FGGY: variants seen among roughly 807,000 people sequenced by gnomAD.
The protein encoded by FGGY is FGGY carbohydrate kinase domain containing, also known as FGGY carbohydrate kinase domain-containing protein.
In FGGY, 72 loss-of-function variants were observed where a neutral mutation model predicts 71.3. The observed-to-expected ratio is 1.01, with a 90% confidence interval of 0.84 to 1.23. FGGY has a LOEUF of 1.23. FGGY is among the 50% of genes most tolerant of loss of function. The pLI is 0.00. For synonymous variants in FGGY, 251 were observed against 250.3 expected, an observed-to-expected ratio of 1.00 and a Z score of -0.02; for missense variants, 668 against 682.3, an observed-to-expected ratio of 0.98 and a Z score of 0.23.
intron 6 of FGGY, among the ~76,000 whole-genome samples, chr1:59,491,140 TTC>T (rs562651579): frequency 0.38 from 31,543 of 83,200 alleles, 7,697 homozygotes; most frequent in Middle Eastern, 0.52. Context: ...CCTTCCTTCC[TTC>T]CTTTCTCTCT....
chr1:59,462,445 A>G (rs1020030847), intron 6 of FGGY, among the ~76,000 whole-genome samples: 45 of 152,276 alleles, frequency 3.0e-4, no homozygotes, highest in African/African-American at 9.9e-4. Flanking sequence ...AACAAAAGCC[A>G]AAATTGACAA....
chr1:59,658,154 C>T (rs186511794), intron 11 of FGGY, among the ~76,000 whole-genome samples: 150 of 152,188 alleles, frequency 9.9e-4, no homozygotes, highest in African/African-American at 3.1e-3. Flanking sequence ...GTGAGTAAGA[C>T]GAGCAAAGAC....
At chr1:59,539,262 G>A (rs887343070) in intron 7 of FGGY, among the ~76,000 whole-genome samples, 5 of 152,242 alleles carry the variant, frequency 3.3e-5, no homozygotes, top group African/African-American at 1.2e-4. Context: ...GTAAGAGGAT[G>A]GAAATTGGTA....
intron 6 of FGGY, among the ~76,000 whole-genome samples, chr1:59,465,685 A>C (rs910340959): frequency 4.6e-5 from 7 of 152,194 alleles, no homozygotes; most frequent in African/African-American, 1.7e-4. Context: ...AATGTGCAAA[A>C]ATCACAAGCA....
At chr1:59,546,560 G>A (rs567358002) in intron 7 of FGGY, among the ~76,000 whole-genome samples, 15 of 149,288 alleles carry the variant, frequency 1.0e-4, no homozygotes, top group East Asian at 9.7e-4. Context: ...TATTTGAGAC[G>A]GAGTCTGGCT....
At chr1:59,296,731 A>G (rs550348979), upstream of FGGY, 1,859 of 143,670 alleles carry the variant, frequency 0.013, 73 homozygotes, top group African/African-American at 0.046. Flanking sequence ...CGCGCTTTAC[A>G]GGGGCCGCGC....
At chr1:59,651,380 G>A (rs1213637730) in intron 11 of FGGY, among the ~76,000 whole-genome samples, 1 of 148,840 alleles carries the variant, frequency 6.7e-6, no homozygotes, top group Non-Finnish European at 1.5e-5. Flanking sequence ...TTAATGCGTG[G>A]GAGTCTAAGT....
At chr1:59,311,677 A>G (rs986480665) in intron 1 of FGGY, among the ~76,000 whole-genome samples, 1 of 152,136 alleles carries the variant, frequency 6.6e-6, no homozygotes, top group South Asian at 2.1e-4. Flanking sequence ...TGACTTTGCT[A>G]TTGTAAACAG....
At chr1:59,329,129 C>G (rs2047974557) in intron 2 of FGGY, among the ~76,000 whole-genome samples, 2 of 152,152 alleles carry the variant, frequency 1.3e-5, no homozygotes, top group Admixed American at 1.3e-4. Context: ...TGCGGTAAAG[C>G]AAAGCACAAT....
intron 15 of FGGY, among the ~76,000 whole-genome samples, chr1:59,760,917 A>G (rs1192666391): frequency 1.3e-5 from 2 of 152,198 alleles, no homozygotes; most frequent in Non-Finnish European, 2.9e-5. Flanking sequence ...GTAGGAGCAA[A>G]TTGTTCCTAA....
chr1:59,702,689 G>A (rs551623438), intron 14 of FGGY, among the ~76,000 whole-genome samples: 2 of 152,260 alleles, frequency 1.3e-5, no homozygotes, highest in South Asian at 4.1e-4. Flanking sequence ...GTGACATTGA[G>A]CAACTAGCCA....
chr1:59,631,541 A>G (rs1011214287), intron 10 of FGGY, among the ~76,000 whole-genome samples: 23 of 152,194 alleles, frequency 1.5e-4, no homozygotes, highest in Non-Finnish European at 2.8e-4. Flanking sequence ...TTTTGAAATG[A>G]AGTTAGCTGT....
At chr1:59,654,569 C>G (rs2097201043) in intron 11 of FGGY, among the ~76,000 whole-genome samples, 1 of 152,134 alleles carries the variant, frequency 6.6e-6, no homozygotes, top group Admixed American at 6.5e-5. Context: ...TGTATAAACA[C>G]TTCAATTCCT....
intron 2 of FGGY, among the ~76,000 whole-genome samples, chr1:59,335,664 A>C (rs78722857): frequency 6.6e-6 from 1 of 152,160 alleles, no homozygotes; most frequent in Non-Finnish European, 1.5e-5. Context: ...TTTCTCCACA[A>C]TTCTCTAACA....
At position 59,568,467 on chromosome 1, in the gene FGGY, G is replaced by T. The variant is rs565783121; in HGVS notation, c.903+14240G>T. 3.7e-4 allele frequency among the ~76,000 whole-genome samples: 50 copies of T among 133,940 alleles called. 1 individual carries two copies. Among genetic ancestry groups the T allele is most frequent in the African/African-American group, 1.2e-3 (46 of 37,292 alleles). 87.9% of individuals were successfully genotyped at this position (133,940 alleles called of 152,430 possible). On this transcript the variant is annotated intron_variant, in intron 8 of 15. Coordinates refer to ENST00000303721, the MANE Select transcript of FGGY (RefSeq NM_018291.5). ...GCAAATTCTATGGTCGGGGGGGCGG[G>T]GGGGGGTGTTCTTATTGTATTACAT...
chr1:59,377,551 C>T (rs530574207), intron 4 of FGGY, among the ~76,000 whole-genome samples: 1 of 152,226 alleles, frequency 6.6e-6, no homozygotes, highest in Admixed American at 6.5e-5. Context: ...TCCTATGACA[C>T]TTGGGGATTA....
At chr1:59,745,710 A>G (rs2098190781) in intron 14 of FGGY, among the ~76,000 whole-genome samples, 1 of 152,238 alleles carries the variant, frequency 6.6e-6, no homozygotes, top group African/African-American at 2.4e-5. Context: ...AGTTAAGAGA[A>G]TATTGCAGAT....
At chr1:59,452,991 G>T (rs1256597623) in intron 5 of FGGY, among the ~76,000 whole-genome samples, 1 of 152,214 alleles carries the variant, frequency 6.6e-6, no homozygotes, top group East Asian at 1.9e-4. Flanking sequence ...GGTCTTAATA[G>T]AAGACTCCCG....
At chr1:59,594,866 G>GGA (rs1181284472) in intron 8 of FGGY, among the ~76,000 whole-genome samples, 3 of 152,188 alleles carry the variant, frequency 2.0e-5, no homozygotes, top group East Asian at 3.8e-4. Context: ...CATGATGAGT[G>GGA]GAGAGAGAGA....
Sources: gnomAD v4.1 joint callset for allele counts (sites outside exome capture counted in the v4.1 genomes callset) on GRCh38, gnomAD v4.1.1 for gene constraint, MANE v1.5 for transcripts, NCBI Gene and HGNC (gene_info 2026-07-23, HGNC 2026-07-21) for gene names.